The following CRIM1 variants were observed in gnomAD, a reference collection of about 807,000 sequenced individuals.
The protein encoded by CRIM1 is cysteine rich transmembrane BMP regulator 1, also known as cysteine-rich motor neuron 1 protein.
A neutral mutation model predicts 116.4 loss-of-function variants in CRIM1; 32 were observed. The observed-to-expected ratio is 0.27, with a 90% CI of 0.21 to 0.37. CRIM1 has a LOEUF of 0.37. CRIM1 is among the 10% of genes least tolerant of loss of function. The probability of loss-of-function intolerance (pLI) is 1.00; values close to 1 mark genes in which losing one functional copy is unlikely to be tolerated. For missense variants in CRIM1, 1,331 were observed against 1,354.8 expected, an observed-to-expected ratio of 0.98 and a Z score of 0.28; for synonymous variants, 590 against 509.2, an observed-to-expected ratio of 1.16 and a Z score of -2.13.
Position 36,550,582 on chromosome 2 carries a change from T to C in CRIM1, c.*1881T>C, listed in dbSNP as rs1312062118. 2 of 152,504 alleles carry C rather than the reference T, an allele frequency of 1.3e-5. No individual in the cohort carries two copies. Among genetic ancestry groups the C allele is most frequent in the African/African-American group, 4.8e-5 (2 of 41,430 alleles). 9.4% of individuals were successfully genotyped at this position (152,504 alleles called of 1,614,324 possible). A position where few individuals can be genotyped will look rare whatever the true frequency, so the allele number is the denominator to read the frequency against. ...TTATTATAATGACCTAATTTATTAA[T>C]CTGAAGATTAACCATTTTTTTGTCT... On this transcript the variant is annotated 3_prime_UTR_variant, in exon 17 of 17. Transcript: ENST00000280527.
chr2:36,397,959 T>TG (rs1323153211), intron 2 of CRIM1, among the ~76,000 whole-genome samples: 55 of 152,200 alleles, frequency 3.6e-4, no homozygotes, highest in Non-Finnish European at 6.5e-4. Flanking sequence ...ACACCAAGTA[T>TG]TCTTCCTGTC....
chr2:36,390,098 C>T (rs1239333868), intron 1 of CRIM1, among the ~76,000 whole-genome samples: 7 of 152,008 alleles, frequency 4.6e-5, no homozygotes, highest in East Asian at 3.8e-4. Flanking sequence ...CAGGCATCAC[C>T]GAGAATATTG....
Position 36,360,716 on chromosome 2 carries a change from C to T in CRIM1, c.331+4093C>T, listed in dbSNP as rs1252353050. ...GGCTGCAGGAGGCCAGATAATGAAC[C>T]CAAACATTTCATTCTGCACAAGCCG... On this transcript the variant is annotated intron_variant, in intron 1 of 16. Transcript: ENST00000280527. 2.0e-5 allele frequency among the ~76,000 whole-genome samples: 3 copies of T among 152,120 alleles called. No homozygotes were observed. In the East Asian group the frequency reaches 5.8e-4, roughly 29 times the overall value.
intron 2 of CRIM1, among the ~76,000 whole-genome samples, chr2:36,416,209 A>AAATAAT (rs70946929): frequency 0.31 from 45,951 of 149,792 alleles, 7,227 homozygotes; most frequent in South Asian, 0.46. Context: ...TTTTGTCTCA[A>AAATAAT]AATAATAATA....
intron 7 of CRIM1, among the ~76,000 whole-genome samples, chr2:36,493,378 A>G (rs936275272): frequency 3.9e-5 from 6 of 152,292 alleles, no homozygotes; most frequent in African/African-American, 1.4e-4. Flanking sequence ...ATAGGAACAG[A>G]GGGTGCTGGC....
Position 36,356,118 on chromosome 2 carries a change from G to T in CRIM1, c.-175G>T. On this transcript the variant is annotated 5_prime_UTR_variant, in exon 1 of 17. Coordinates refer to ENST00000280527, the MANE Select transcript of CRIM1 (RefSeq NM_016441.3). This position sits in a 1 kb window ranked among gnomAD's most constrained non-coding sequence, Gnocchi z 4.3. Reference sequence around the variant, plus strand: ...GGGCTCGGGGTCGGCGCGGCCCGCAGAAGGGGCGGGGGCCTCGCCCCGCGA... The same window carrying T: ...GGGCTCGGGGTCGGCGCGGCCCGCATAAGGGGCGGGGGCCTCGCCCCGCGA... 1 of 160,212 alleles carries T rather than the reference G, an allele frequency of 6.2e-6. No homozygotes were observed. Among genetic ancestry groups the T allele is most frequent in the South Asian group, 1.9e-4 (1 of 5,134 alleles). 9.9% of individuals were successfully genotyped at this position (160,212 alleles called of 1,614,324 possible). A position where few individuals can be genotyped will look rare whatever the true frequency, so the allele number is the denominator to read the frequency against.
At chr2:36,537,579 C>T (rs1171551000) in intron 14 of CRIM1, 33 bp downstream of exon 14, 2 of 1,555,242 alleles carry the variant, frequency 1.3e-6, no homozygotes, top group Non-Finnish European at 1.7e-6. Flanking sequence ...ATTTGTCAAG[C>T]TGTAATGTTG....
intron 1 of CRIM1, among the ~76,000 whole-genome samples, chr2:36,385,792 T>G (rs10177195): frequency 6.6e-6 from 1 of 152,196 alleles, no homozygotes; most frequent in African/African-American, 2.4e-5. Flanking sequence ...ACAGCCTATA[T>G]GGGATTTAGA....
chr2:36,412,760 A>G (rs183312626), intron 2 of CRIM1, among the ~76,000 whole-genome samples: 2 of 152,188 alleles, frequency 1.3e-5, no homozygotes, highest in South Asian at 2.1e-4. Flanking sequence ...TTGGTATACA[A>G]ATGGTGGCCC....
At chr2:36,406,404 A>C (rs1672798124) in intron 2 of CRIM1, among the ~76,000 whole-genome samples, 1 of 152,144 alleles carries the variant, frequency 6.6e-6, no homozygotes, top group Non-Finnish European at 1.5e-5. Flanking sequence ...ATGACCTTTG[A>C]TGGCACTTGG....
chr2:36,535,873 T>C (rs1192645049), intron 13 of CRIM1, among the ~76,000 whole-genome samples: 1 of 152,240 alleles, frequency 6.6e-6, no homozygotes, highest in Non-Finnish European at 1.5e-5. Context: ...GTGTTAGGTA[T>C]TGCAAGTAAT....
Position 36,550,786 on chromosome 2 carries a change from C to T in CRIM1, c.*2085C>T, listed in dbSNP as rs1667717906. On this transcript the variant is annotated 3_prime_UTR_variant, in exon 17 of 17. Coordinates refer to ENST00000280527, the MANE Select transcript of CRIM1 (RefSeq NM_016441.3). ...AAATTTTGTTGGTAATTAATCCATT[C>T]CTGGCATAAAAAGTCTTTATCAAAA... The T allele has an allele frequency of 6.6e-6, 1 of 152,374 alleles. No individual in the cohort carries two copies. The highest frequency in any genetic ancestry group is 1.5e-5 in the Non-Finnish European group (1 of 67,990). The allele number at this position is 152,374 out of a possible 1,614,324, so 9.4% of individuals were successfully genotyped here.
Position 36,537,392 on chromosome 2 carries a change from G to A in CRIM1, c.2469G>A (p.Gly823=), listed in dbSNP as rs750096633. Residue 823 remains glycine (G), a synonymous_variant, in exon 14 of 17, where the codon GGG becomes GGA. Transcript: ENST00000280527. ...IPKKVVCHFS[G]KAYADEERWD... ...AGAAGGTGGTGTGCCACTTCAGTGG[G>A]AAGGCCTATGCCGACGAGGAGCGGT... The A allele has an allele frequency of 1.2e-6, 2 of 1,614,206 alleles. No individual in the cohort carries two copies.
At chr2:36,546,343 G>A (rs908422434) in intron 15 of CRIM1, among the ~76,000 whole-genome samples, 1 of 152,092 alleles carries the variant, frequency 6.6e-6, no homozygotes. Context: ...ATTCATAAGT[G>A]CAAAACTAAA....
chr2:36,444,064 T>C (rs922917291), intron 4 of CRIM1, among the ~76,000 whole-genome samples: 1 of 152,218 alleles, frequency 6.6e-6, no homozygotes, highest in South Asian at 2.1e-4. Flanking sequence ...CAGTAACAGA[T>C]GTCCCTTCAG....
chr2:36,423,497 G>A (rs1047387150), intron 2 of CRIM1, among the ~76,000 whole-genome samples: 2 of 152,210 alleles, frequency 1.3e-5, no homozygotes, highest in African/African-American at 4.8e-5. Context: ...AATTCATTGT[G>A]TACAGACATT....
At chr2:36,398,298 C>T (rs897674239) in intron 2 of CRIM1, among the ~76,000 whole-genome samples, 3 of 152,124 alleles carry the variant, frequency 2.0e-5, no homozygotes, top group African/African-American at 7.2e-5. Context: ...GTCATTTAAT[C>T]CCCTGCTCCT....
rs565498601 is a variant in CRIM1 at position 36,487,437 on chromosome 2, T to G, written c.1372+7743T>G. ...CAGAATATTTTTGGTGCCTCTCTTT[T>G]GAAACTGACTTTAGAGATCATAGCA... On this transcript the variant is annotated intron_variant, in intron 7 of 16. Transcript: ENST00000280527. Among the ~76,000 whole-genome samples, 54 of 152,276 alleles carry G rather than the reference T, an allele frequency of 3.5e-4. No homozygotes were observed. The South Asian group carries it at 6.8e-3, about 19-fold the overall frequency.
chr2:36,359,485 C>A (rs1160402160), intron 1 of CRIM1, among the ~76,000 whole-genome samples: 1 of 152,056 alleles, frequency 6.6e-6, no homozygotes, highest in African/African-American at 2.4e-5. Flanking sequence ...AGAAATGGGC[C>A]CCTTTCAGCT....
Sources: allele counts gnomAD v4.1 joint callset (sites outside exome capture counted in the v4.1 genomes callset), GRCh38; gene constraint gnomAD v4.1.1; non-coding constraint Gnocchi (gnomAD v3.1); transcripts MANE v1.5; gene names NCBI Gene and HGNC (gene_info 2026-07-23, HGNC 2026-07-21).